PAX5: variants seen among roughly 807,000 people sequenced by gnomAD.
The protein encoded by PAX5 is paired box 5.
PAX5 carries 9 observed loss-of-function variants against 43.7 expected under a neutral mutation model. The observed-to-expected ratio is 0.21, with a 90% CI of 0.12 to 0.36. PAX5 has a LOEUF of 0.36. Ranked by LOEUF, PAX5 falls within the 10% of genes least tolerant of loss-of-function variation. PAX5 has a pLI of 1.00. For missense variants in PAX5, 383 were observed against 532.7 expected, an observed-to-expected ratio of 0.72 and a Z score of 2.77; for synonymous variants, 228 against 214.3, an observed-to-expected ratio of 1.06 and a Z score of -0.56.
chr9:36,897,509 C>T (rs1827972448), intron 7 of PAX5, among the ~76,000 whole-genome samples: 1 of 151,808 alleles, frequency 6.6e-6, no homozygotes, highest in African/African-American at 2.4e-5. Flanking sequence ...CACATACACA[C>T]ACAAGCAAGA....
intron 4 of PAX5, chr9:37,002,980 A>T (rs1259419224): frequency 3.5e-6 from 2 of 570,354 alleles, no homozygotes; most frequent in Non-Finnish European, 6.1e-6. Context: ...GTTCTCTGCG[A>T]TGGGGGGAGA....
intron 8 of PAX5, among the ~76,000 whole-genome samples, chr9:36,854,992 C>T (rs1823525713): frequency 1.3e-5 from 2 of 152,226 alleles, no homozygotes; most frequent in Non-Finnish European, 2.9e-5. Flanking sequence ...TGTGCGGTGG[C>T]CAAGTGGCCT....
chr9:37,033,680 ACATATACT>A, intron 1 of PAX5, among the ~76,000 whole-genome samples: 1 of 152,232 alleles, frequency 6.6e-6, no homozygotes, highest in Non-Finnish European at 1.5e-5. Flanking sequence ...TTTTAAAAAT[ACATATACT>A]GTAATGAACA....
chr9:36,949,470 T>C (rs1354475125), intron 6 of PAX5, among the ~76,000 whole-genome samples: 1 of 152,172 alleles, frequency 6.6e-6, no homozygotes, highest in Non-Finnish European at 1.5e-5. Flanking sequence ...GGAAGAAAAG[T>C]TCGTATTTGT....
intron 5 of PAX5, among the ~76,000 whole-genome samples, chr9:36,980,427 CTGGTTAAGGGT>C (rs909703552): frequency 2.6e-5 from 4 of 152,168 alleles, no homozygotes; most frequent in African/African-American, 7.2e-5. Flanking sequence ...GGATTAGGAG[CTGGTTAAGGGT>C]TGGGGGAGGG....
intron 9 of PAX5, among the ~76,000 whole-genome samples, chr9:36,842,316 T>A (rs1160593080): frequency 1.3e-5 from 2 of 152,108 alleles, no homozygotes; most frequent in East Asian, 3.9e-4. Flanking sequence ...CGGGTGTGTG[T>A]GCATGAGAGG....
At chr9:36,997,315 G>T (rs2132360592) in intron 5 of PAX5, among the ~76,000 whole-genome samples, 1 of 152,318 alleles carries the variant, frequency 6.6e-6, no homozygotes, top group East Asian at 1.9e-4. Flanking sequence ...GTCCACACTG[G>T]CTGGACAGGT....
rs752114508 is a variant in PAX5 at position 36,909,814 on chromosome 9, ATTTTTTT to A, written c.910+13534_910+13540del. On this transcript the variant is annotated intron_variant, in intron 7 of 9. Transcript: ENST00000358127. ...TTTCCAAGAGAAGCTAGACATTTTA[ATTTTTTT>A]TTTTTTTTTTTTTTTTTAGATATAG... Among the ~76,000 whole-genome samples, 18 of 91,892 alleles carry A rather than the reference ATTTTTTT, an allele frequency of 2.0e-4. No individual in the cohort carries two copies. In the South Asian group the frequency reaches 4.3e-3, roughly 22 times the overall value. The allele number at this position is 91,892 out of a possible 152,430, so 60.3% of individuals were successfully genotyped here.
intron 1 of PAX5, among the ~76,000 whole-genome samples, chr9:37,025,258 G>A (rs1840224639): frequency 6.6e-6 from 1 of 152,172 alleles, no homozygotes; most frequent in South Asian, 2.1e-4. Context: ...GCCAGCCCTG[G>A]CTGCCTACAC....
chr9:36,869,761 A>C (rs1563914220), intron 8 of PAX5, among the ~76,000 whole-genome samples: 1 of 152,168 alleles, frequency 6.6e-6, no homozygotes, highest in Admixed American at 6.5e-5. Context: ...AAATGTTGGA[A>C]GGGAGAAGGA....
At chr9:36,866,585 C>T (rs1226825749) in intron 8 of PAX5, among the ~76,000 whole-genome samples, 2 of 152,088 alleles carry the variant, frequency 1.3e-5, no homozygotes, top group African/African-American at 4.8e-5. Flanking sequence ...GCTGTAGAAG[C>T]CAGGGCATCC....
intron 5 of PAX5, among the ~76,000 whole-genome samples, chr9:36,990,824 A>G (rs1249727680): frequency 2.6e-5 from 4 of 152,220 alleles, no homozygotes; most frequent in Non-Finnish European, 5.9e-5. Context: ...TAAATTCCAG[A>G]GAAGGCCGGG....
intron 7 of PAX5, among the ~76,000 whole-genome samples, chr9:36,902,772 C>T (rs971322864): frequency 3.9e-5 from 6 of 152,264 alleles, no homozygotes; most frequent in Non-Finnish European, 7.3e-5. Context: ...TCTACCCCCA[C>T]CCACACTGGC....
chr9:36,920,530 T>C (rs1003083560), intron 7 of PAX5, among the ~76,000 whole-genome samples: 2 of 152,194 alleles, frequency 1.3e-5, no homozygotes, highest in African/African-American at 4.8e-5. Context: ...TAAATTAAGG[T>C]ATGTGTCTTT....
chr9:36,864,085 GGCA>G (rs2131667042), intron 8 of PAX5, among the ~76,000 whole-genome samples: 1 of 152,314 alleles, frequency 6.6e-6, no homozygotes, highest in South Asian at 2.1e-4. Flanking sequence ...TTCCAGCCTG[GGCA>G]TCAGAGCGAG....
rs989528933 is a variant in PAX5, at chr9:36,899,792, C to T, written c.911-17687G>A. Among the ~76,000 whole-genome samples, 8 of 152,214 alleles carry T rather than the reference C, an allele frequency of 5.3e-5. No homozygotes were observed. In the East Asian group the frequency reaches 1.5e-3, roughly 29 times the overall value. On this transcript the variant is annotated intron_variant, in intron 7 of 9. Coordinates refer to ENST00000358127, the MANE Select transcript of PAX5 (RefSeq NM_016734.3). ...AGCCCCCACCCCATGGCCTCCTGAT[C>T]CAGCCTCCTCTCCTCACTATGGCTT... is the stretch of plus-strand genomic sequence containing the variant.
At chr9:36,880,378 C>CG (rs1166421079) in intron 8 of PAX5, among the ~76,000 whole-genome samples, 1 of 152,162 alleles carries the variant, frequency 6.6e-6, no homozygotes, top group Non-Finnish European at 1.5e-5. Context: ...GAGGATGGCC[C>CG]GGGGGAAGAG....
chr9:36,868,411 C>G (rs779443876), intron 8 of PAX5, among the ~76,000 whole-genome samples: 1 of 152,210 alleles, frequency 6.6e-6, no homozygotes, highest in Non-Finnish European at 1.5e-5. Flanking sequence ...CGCACGGGGT[C>G]TCTATGGCAG....
chr9:36,962,386 A>G (rs1456192784), intron 6 of PAX5, among the ~76,000 whole-genome samples: 1 of 152,144 alleles, frequency 6.6e-6, no homozygotes. Flanking sequence ...CGGTTCAACA[A>G]TCTTGGAAAC....
Sources: gnomAD v4.1 joint callset for allele counts (sites outside exome capture counted in the v4.1 genomes callset) on GRCh38, gnomAD v4.1.1 for gene constraint, MANE v1.5 for transcripts, NCBI Gene and HGNC (gene_info 2026-07-23, HGNC 2026-07-21) for gene names.